The following FER variants were observed in gnomAD, a reference collection of about 807,000 sequenced individuals.
The protein encoded by FER is tyrosine-protein kinase Fer.
Under a neutral mutation model 111.0 loss-of-function variants are expected in FER, and 63 were observed. That is an observed-to-expected ratio of 0.57 (90% confidence interval 0.46 to 0.70). The LOEUF (loss-of-function observed/expected upper bound fraction) is 0.70. Ranked by LOEUF, FER falls within the 30% of genes least tolerant of loss-of-function variation. The probability of loss-of-function intolerance (pLI) is 0.00; values close to 1 mark genes in which losing one functional copy is unlikely to be tolerated. For synonymous variants in FER, 327 were observed against 313.9 expected (o/e 1.04, Z -0.44); for missense variants, 914 against 954.0 (o/e 0.96, Z 0.55).
chr5:108,944,879 C>G (rs1756771516), intron 10 of FER, among the ~76,000 whole-genome samples: 1 of 130,202 alleles, frequency 7.7e-6, no homozygotes, highest in Non-Finnish European at 1.7e-5. Context: ...TGTATCCTGT[C>G]TAACACACAA....
At chr5:109,115,922 A>G (rs1353280684) in intron 17 of FER, among the ~76,000 whole-genome samples, 5 of 152,100 alleles carry the variant, frequency 3.3e-5, no homozygotes. Context: ...GTTCTAACAG[A>G]GAATTCTATA....
At chr5:108,999,707 A>T (rs1035327916) in intron 13 of FER, among the ~76,000 whole-genome samples, 2 of 147,748 alleles carry the variant, frequency 1.4e-5, no homozygotes, top group African/African-American at 5.0e-5. Context: ...CATTCTTACT[A>T]TTTTTTTTTT....
chr5:109,032,285 T>C (rs550612895), intron 13 of FER, among the ~76,000 whole-genome samples: 33 of 152,278 alleles, frequency 2.2e-4, no homozygotes, highest in African/African-American at 7.7e-4. Context: ...TAATCATAGG[T>C]TAGAAAAGAA....
chr5:108,859,697 G>A (rs1763325212), intron 5 of FER, among the ~76,000 whole-genome samples: 1 of 151,912 alleles, frequency 6.6e-6, no homozygotes, highest in African/African-American at 2.4e-5. Context: ...AGAAGACTGT[G>A]GATCAATTGA....
Position 109,130,298 on chromosome 5 carries a change from AAGAG to A in FER, c.2048+29781_2048+29784del, listed in dbSNP as rs766276631. ...ATTTTTTTCTCACATTTTGATGTTT[AAGAG>A]AAACCAGTTTTCCCCTGAGAAGGCT... On this transcript the variant is annotated intron_variant, in intron 17 of 19. Transcript: ENST00000281092. Among the ~76,000 whole-genome samples, 5 of 152,152 alleles carry A rather than the reference AAGAG, an allele frequency of 3.3e-5. No individual in the cohort carries two copies. In the East Asian group the frequency reaches 7.7e-4, roughly 24 times the overall value.
intron 16 of FER, among the ~76,000 whole-genome samples, chr5:109,077,633 G>C (rs1050498148): frequency 2.0e-5 from 3 of 152,154 alleles, no homozygotes; most frequent in African/African-American, 7.2e-5. Context: ...AGTAGAACAT[G>C]TACTTGAGAC....
chr5:109,103,534 A>G (rs1748513425), intron 17 of FER, among the ~76,000 whole-genome samples: 1 of 152,150 alleles, frequency 6.6e-6, no homozygotes, highest in Non-Finnish European at 1.5e-5. Flanking sequence ...TAACTTCCAG[A>G]AGAGTTCTCT....
intron 17 of FER, among the ~76,000 whole-genome samples, chr5:109,119,937 T>TTTAGATCTTTTGCCTA (rs1343328315): frequency 6.6e-6 from 1 of 152,144 alleles, no homozygotes; most frequent in African/African-American, 2.4e-5. Context: ...GAAATGCCTA[T>TTTAGATCTTTTGCCTA]TTAGATCTTT....
At chr5:109,072,281 G>A (rs1474582170) in intron 16 of FER, among the ~76,000 whole-genome samples, 2 of 151,504 alleles carry the variant, frequency 1.3e-5, no homozygotes, top group Non-Finnish European at 3.0e-5. Context: ...TGTAAATGAT[G>A]TGAGTTGGCA....
At position 109,033,746 on chromosome 5, in the gene FER, C is replaced by G. The variant is rs145941339; in HGVS notation, c.1657-3676C>G. On this transcript the variant is annotated intron_variant, in intron 13 of 19. Coordinates refer to ENST00000281092, the MANE Select transcript of FER (RefSeq NM_005246.4). ...CTCTATCAACACTTCTGCAGACTAT[C>G]CACAAATTCTGATCAAAATAGTCAC... Among the ~76,000 whole-genome samples, 426 of 152,218 alleles carry G rather than the reference C, an allele frequency of 2.8e-3. 1 individual carries two copies. Among genetic ancestry groups the G allele is most frequent in the African/African-American group, 9.9e-3 (410 of 41,544 alleles).
At chr5:109,185,989 G>GTGT (rs780190607) in intron 18 of FER, among the ~76,000 whole-genome samples, 78 of 152,258 alleles carry the variant, frequency 5.1e-4, no homozygotes, top group Non-Finnish European at 1.0e-3. Flanking sequence ...AAAAGGTAAT[G>GTGT]TGTTATACTA....
chr5:108,993,567 C>T (rs1370515913), intron 13 of FER, among the ~76,000 whole-genome samples: 6 of 122,314 alleles, frequency 4.9e-5, no homozygotes, highest in East Asian at 2.3e-4. Flanking sequence ...AGAGGGAGAC[C>T]GTGGGGAGAG....
chr5:108,951,628 T>A (rs995431013), intron 11 of FER, among the ~76,000 whole-genome samples: 1 of 152,176 alleles, frequency 6.6e-6, no homozygotes, highest in African/African-American at 2.4e-5. Context: ...TGTTAAAAAT[T>A]CAGAATTTAA....
At chr5:108,954,129 A>G (rs1758121144) in intron 11 of FER, among the ~76,000 whole-genome samples, 2 of 151,974 alleles carry the variant, frequency 1.3e-5, no homozygotes, top group Non-Finnish European at 2.9e-5. Context: ...CAGTGATGCT[A>G]TTTCTCCTAG....
At chr5:108,924,561 T>G (rs1448028064) in intron 10 of FER, 2 of 1,213,398 alleles carry the variant, frequency 1.6e-6, no homozygotes, top group Non-Finnish European at 2.1e-6. Flanking sequence ...GATCCAGATT[T>G]GCACCTCTCT....
intron 16 of FER, among the ~76,000 whole-genome samples, chr5:109,098,427 AT>A (rs1423542462): frequency 2.0e-5 from 3 of 151,812 alleles, no homozygotes; most frequent in African/African-American, 7.2e-5. Flanking sequence ...GGGTTATGTC[AT>A]ATGCTGCTTT....
chr5:108,770,995 G>C (rs572388716), intron 2 of FER, among the ~76,000 whole-genome samples: 6 of 151,880 alleles, frequency 4.0e-5, no homozygotes, highest in African/African-American at 1.5e-4. Context: ...GGAGTGCAGT[G>C]GTGTGATCTC....
chr5:109,180,845 C>T lies in FER; in HGVS notation c.2147C>T (p.Ser716Phe). ...SRQEDGGVYS[S>F]SGLKQIPIKW... ...CAAGAGGATGGTGGAGTGTATTCAT[C>T]TTCTGGCTTAAAGCAGATTCCCATT... The change falls in exon 18 of 20, where the codon TCT (serine) becomes TTT (phenylalanine). Residue 716 changes from serine (S) to phenylalanine (F), a missense_variant. Ser to Phe is a radical substitution (Grantham distance 155, BLOSUM62 -2). Around this residue, in one of 3 missense-constraint regions of FER, gnomAD observed 134 missense variants for 149.4 expected, o/e 0.90. Transcript: ENST00000281092. 6.2e-7 allele frequency: 1 copy of T among 1,613,672 alleles called. No individual in the cohort carries two copies. The highest frequency in any genetic ancestry group is 8.5e-7 in the Non-Finnish European group (1 of 1,179,726).
chr5:109,111,803 C>A (rs1749654013), intron 17 of FER, among the ~76,000 whole-genome samples: 1 of 152,062 alleles, frequency 6.6e-6, no homozygotes, highest in African/African-American at 2.4e-5. Context: ...GGAAAACCAC[C>A]CCCATGATCC....
Sources: gnomAD v4.1 joint callset for allele counts (sites outside exome capture counted in the v4.1 genomes callset) on GRCh38, gnomAD v4.1.1 for gene constraint, gnomAD v4.1.1 regional missense constraint, MANE v1.5 for transcripts, NCBI Gene and HGNC (gene_info 2026-07-23, HGNC 2026-07-21) for gene names.